PLXDC2: variants seen among roughly 807,000 people sequenced by gnomAD.
PLXDC2 encodes plexin domain-containing protein 2.
In PLXDC2, 40 loss-of-function variants were observed where a neutral mutation model predicts 68.9. The ratio of observed to expected loss-of-function variants is 0.58; its 90% CI spans 0.45 to 0.76. The LOEUF (loss-of-function observed/expected upper bound fraction) is 0.76. Among genes scored for constraint, PLXDC2 ranks in the 30% least tolerant of loss-of-function variants. PLXDC2 has a pLI of 0.00. For synonymous variants in PLXDC2, 243 were observed against 234.2 expected (o/e 1.04, Z -0.34); for missense variants, 644 against 661.9 (o/e 0.97, Z 0.30).
intron 1 of PLXDC2, among the ~76,000 whole-genome samples, chr10:19,845,297 A>G (rs760860215): frequency 6.6e-6 from 1 of 152,172 alleles, no homozygotes. Flanking sequence ...AGAGACAATT[A>G]TGGTGACTTC....
chr10:20,282,626 G>C lies in PLXDC2; in HGVS notation c.*2807G>C, dbSNP rs904995716. 1.3e-5 allele frequency: 2 copies of C among 152,062 alleles called. No individual in the cohort carries two copies. The highest frequency in any genetic ancestry group is 2.9e-5 in the Non-Finnish European group (2 of 67,992). 9.4% of individuals were successfully genotyped at this position (152,062 alleles called of 1,614,324 possible). A position where few individuals can be genotyped will look rare whatever the true frequency, so the allele number is the denominator to read the frequency against. ...ATGTCTAGTGTTCCATTATTGGAAC[G>C]CTAAGCTTATGGGAGTTATTTAGAG... On this transcript the variant is annotated 3_prime_UTR_variant, in exon 14 of 14. Coordinates refer to ENST00000377252, the MANE Select transcript of PLXDC2 (RefSeq NM_032812.9).
At chr10:19,894,990 C>A (rs145306283) in intron 1 of PLXDC2, among the ~76,000 whole-genome samples, 2 of 152,144 alleles carry the variant, frequency 1.3e-5, no homozygotes, top group Admixed American at 6.5e-5. Context: ...ATGTTTATTG[C>A]GGCACTGTTC....
intron 1 of PLXDC2, among the ~76,000 whole-genome samples, chr10:19,854,060 C>A (rs535109966): frequency 6.6e-6 from 1 of 152,120 alleles, no homozygotes; most frequent in Non-Finnish European, 1.5e-5. Context: ...CTTGACCCCC[C>A]GGGGAGACTG....
intron 2 of PLXDC2, among the ~76,000 whole-genome samples, chr10:20,013,275 G>T (rs901911782): frequency 2.0e-5 from 3 of 152,018 alleles, no homozygotes; most frequent in Admixed American, 1.3e-4. Flanking sequence ...AAAACAATTT[G>T]AAAGAAAAAC....
At chr10:20,177,127 T>A (rs901690635) in intron 8 of PLXDC2, 33 bp downstream of exon 8, 20 of 1,509,882 alleles carry the variant, frequency 1.3e-5, no homozygotes, top group Non-Finnish European at 1.7e-5. Flanking sequence ...GTGGAAAACA[T>A]GATTTCTAAA....
chr10:19,884,530 A>AG (rs1361884910), intron 1 of PLXDC2, among the ~76,000 whole-genome samples: 2 of 128,872 alleles, frequency 1.6e-5, no homozygotes, highest in Non-Finnish European at 3.2e-5. Context: ...CATTCCCCAG[A>AG]GTGTGATGTT....
intron 1 of PLXDC2, among the ~76,000 whole-genome samples, chr10:19,892,123 C>A (rs1019301360): frequency 6.6e-6 from 1 of 152,146 alleles, no homozygotes; most frequent in African/African-American, 2.4e-5. Flanking sequence ...ATACCTGGTA[C>A]TCAGTAGCTA....
chr10:20,183,000 G>A (rs1834628647), intron 9 of PLXDC2, among the ~76,000 whole-genome samples: 1 of 151,896 alleles, frequency 6.6e-6, no homozygotes, highest in African/African-American at 2.4e-5. Flanking sequence ...AAGTAGATGG[G>A]AAAAAGAAGA....
chr10:20,246,450 A>G (rs1835596583), intron 13 of PLXDC2, among the ~76,000 whole-genome samples: 1 of 152,220 alleles, frequency 6.6e-6, no homozygotes. Flanking sequence ...TCCGGGTTCA[A>G]GCAATTTTTG....
At chr10:20,010,937 ACAGT>A (rs1464568173) in intron 2 of PLXDC2, among the ~76,000 whole-genome samples, 1 of 152,196 alleles carries the variant, frequency 6.6e-6, no homozygotes, top group Non-Finnish European at 1.5e-5. Flanking sequence ...ATGCCAAGTA[ACAGT>A]CAATCAGCTG....
At chr10:20,271,647 T>C (rs1463341830) in intron 13 of PLXDC2, among the ~76,000 whole-genome samples, 1 of 152,102 alleles carries the variant, frequency 6.6e-6, no homozygotes, top group East Asian at 1.9e-4. Context: ...TTACCCAGAA[T>C]TGATGGTCAG....
At chr10:20,042,281 G>T (rs913933476) in intron 2 of PLXDC2, among the ~76,000 whole-genome samples, 15 of 152,088 alleles carry the variant, frequency 9.9e-5, no homozygotes, top group African/African-American at 3.6e-4. Flanking sequence ...AGAACACAGG[G>T]AACTCTTTTA....
intron 9 of PLXDC2, among the ~76,000 whole-genome samples, chr10:20,200,530 A>G (rs1834903086): frequency 6.6e-6 from 1 of 152,040 alleles, no homozygotes; most frequent in African/African-American, 2.4e-5. Context: ...AACAAACATA[A>G]ACAATTGGCA....
intron 2 of PLXDC2, among the ~76,000 whole-genome samples, chr10:20,006,577 A>G (rs966143901): frequency 6.6e-6 from 1 of 152,224 alleles, no homozygotes; most frequent in Admixed American, 6.5e-5. Flanking sequence ...TTTAACTTAA[A>G]TAAAACAACA....
Position 20,147,699 on chromosome 10 carries a change from C to A in PLXDC2, c.665-85C>A, listed in dbSNP as rs1266226033. The A allele has an allele frequency of 5.0e-6, 4 of 798,972 alleles. No homozygotes were observed. The Admixed American group carries it at 7.2e-5, about 14-fold the overall frequency. 49.5% of individuals were successfully genotyped at this position (798,972 alleles called of 1,614,324 possible). ...AACTACCAGATTTGAAGGCCAGATG[C>A]AAAAACATTTTTGTGAAAACTCCCA... On this transcript the variant is annotated intron_variant, in intron 5 of 13. Transcript: ENST00000377252.
At chr10:19,961,020 G>C (rs1445897905) in intron 1 of PLXDC2, among the ~76,000 whole-genome samples, 1 of 152,218 alleles carries the variant, frequency 6.6e-6, no homozygotes, top group Non-Finnish European at 1.5e-5. Flanking sequence ...AAAGCTACTA[G>C]TTAGACCATA....
At chr10:19,840,225 G>C (rs942109299) in intron 1 of PLXDC2, among the ~76,000 whole-genome samples, 2 of 151,976 alleles carry the variant, frequency 1.3e-5, no homozygotes, top group African/African-American at 2.4e-5. Flanking sequence ...AATCTCTTAG[G>C]ATTAAAACTA....
chr10:19,999,134 C>G (rs1311698785), intron 1 of PLXDC2, among the ~76,000 whole-genome samples: 1 of 152,168 alleles, frequency 6.6e-6, no homozygotes, highest in Non-Finnish European at 1.5e-5. Flanking sequence ...ATGCAGAAGG[C>G]TCCTCCAGTA....
At chr10:20,177,860 A>G (rs1289211679) in intron 9 of PLXDC2, among the ~76,000 whole-genome samples, 2 of 151,646 alleles carry the variant, frequency 1.3e-5, no homozygotes, top group African/African-American at 4.9e-5. Context: ...AAAATGCAAA[A>G]CAAAACTCGT....
Sources: allele counts gnomAD v4.1 joint callset (sites outside exome capture counted in the v4.1 genomes callset), GRCh38; gene constraint gnomAD v4.1.1; transcripts MANE v1.5; gene names NCBI Gene and HGNC (gene_info 2026-07-23, HGNC 2026-07-21).